MYOCD: variants seen among roughly 807,000 people sequenced by gnomAD.
The protein encoded by MYOCD is myocardin.
A neutral mutation model predicts 96.1 loss-of-function variants in MYOCD; 32 were observed. That is an observed-to-expected ratio of 0.33 (90% confidence interval 0.25 to 0.45). MYOCD has a LOEUF of 0.45. Among genes scored for constraint, MYOCD ranks in the 20% least tolerant of loss-of-function variants. The pLI is 1.00. For missense variants in MYOCD, 1,133 were observed against 1,200.6 expected (o/e 0.94, Z 0.83); for synonymous variants, 469 against 469.0 (o/e 1.00, Z 0.00).
At chr17:12,714,340 C>CAA in intron 2 of MYOCD, among the ~76,000 whole-genome samples, 1 of 151,432 alleles carries the variant, frequency 6.6e-6, no homozygotes, top group South Asian at 2.1e-4. Flanking sequence ...CACACACACA[C>CAA]ACACACACAC....
At chr17:12,706,899 A>G (rs898678310) in intron 2 of MYOCD, among the ~76,000 whole-genome samples, 4 of 152,322 alleles carry the variant, frequency 2.6e-5, no homozygotes, top group African/African-American at 9.6e-5. Context: ...AAAATCCTAC[A>G]AATCATGAAA....
At chr17:12,669,185 TTC>T (rs1172525011) in intron 1 of MYOCD, among the ~76,000 whole-genome samples, 2 of 152,200 alleles carry the variant, frequency 1.3e-5, no homozygotes, top group African/African-American at 4.8e-5. Flanking sequence ...CTATCAACAG[TTC>T]TCCTCCATAT....
chr17:12,760,353 G>C (rs1356671613), intron 12 of MYOCD: 1 of 372,136 alleles, frequency 2.7e-6, no homozygotes, highest in Non-Finnish European at 5.1e-6. Context: ...CTAAAGGATG[G>C]GGTGTGGGAA....
chr17:12,697,931 A>T (rs761527623), intron 1 of MYOCD, among the ~76,000 whole-genome samples: 1 of 152,204 alleles, frequency 6.6e-6, no homozygotes, highest in Non-Finnish European at 1.5e-5. Context: ...GATAAATTAG[A>T]GTTAGAGCCT....
chr17:12,668,873 T>C (rs1294873060), intron 1 of MYOCD, among the ~76,000 whole-genome samples: 4 of 152,138 alleles, frequency 2.6e-5, no homozygotes, highest in East Asian at 3.9e-4. Context: ...TTTTCTATTA[T>C]TAATATTGAT....
At chr17:12,751,417 A>G (rs951416185) in intron 9 of MYOCD, among the ~76,000 whole-genome samples, 1 of 152,142 alleles carries the variant, frequency 6.6e-6, no homozygotes, top group Non-Finnish European at 1.5e-5. Flanking sequence ...ATCAGCTTTA[A>G]TGGATCTGTA....
At chr17:12,752,375 T>C in intron 9 of MYOCD, 39 bp from the exon 10 acceptor site, 1 of 1,513,240 alleles carries the variant, frequency 6.6e-7, no homozygotes, top group South Asian at 1.3e-5. Flanking sequence ...AAAAATATTG[T>C]CGTTAAACAG....
chr17:12,767,677 C>G lies in MYOCD; in HGVS notation c.*4033C>G, dbSNP rs2033377549. On this transcript the variant is annotated 3_prime_UTR_variant, in exon 14 of 14. Transcript: ENST00000425538. ...GTGGGGATCACTTTTTAGCTAAAAG[C>G]TATCTCTCACTTCAAAATTCTTGTC... 1 of 152,080 alleles carries G rather than the reference C, an allele frequency of 6.6e-6. No individual in the cohort carries two copies. The highest frequency in any genetic ancestry group is 1.5e-5 in the Non-Finnish European group (1 of 68,024). 9.4% of individuals were successfully genotyped at this position (152,080 alleles called of 1,614,324 possible).
intron 1 of MYOCD, among the ~76,000 whole-genome samples, chr17:12,669,614 G>GT (rs1909577453): frequency 6.6e-6 from 1 of 151,876 alleles, no homozygotes; most frequent in East Asian, 1.9e-4. Flanking sequence ...CAATCTGAGT[G>GT]TTTTTTGTTG....
At chr17:12,694,415 A>G (rs1436408236) in intron 1 of MYOCD, among the ~76,000 whole-genome samples, 1 of 152,172 alleles carries the variant, frequency 6.6e-6, no homozygotes, top group Non-Finnish European at 1.5e-5. Flanking sequence ...GGATGGGTGC[A>G]TTTGAGCTCA....
intron 5 of MYOCD, among the ~76,000 whole-genome samples, chr17:12,731,235 A>G (rs886809450): frequency 3.9e-5 from 6 of 152,230 alleles, no homozygotes; most frequent in African/African-American, 1.4e-4. Flanking sequence ...TTCCAGAGGC[A>G]GTCAGATAAG....
intron 4 of MYOCD, among the ~76,000 whole-genome samples, chr17:12,720,793 C>A (rs1057416224): frequency 6.6e-6 from 1 of 151,980 alleles, no homozygotes; most frequent in Admixed American, 6.5e-5. Flanking sequence ...GAGGCCGAGG[C>A]GGGCGGATCA....
chr17:12,690,710 C>G (rs566509573), intron 1 of MYOCD, among the ~76,000 whole-genome samples: 15 of 150,352 alleles, frequency 1.0e-4, no homozygotes, highest in African/African-American at 3.5e-4. Flanking sequence ...CTCGGACATA[C>G]TAGACTATAG....
chr17:12,687,742 G>A (rs1432832930), intron 1 of MYOCD, among the ~76,000 whole-genome samples: 2 of 152,094 alleles, frequency 1.3e-5, no homozygotes, highest in Non-Finnish European at 2.9e-5. Context: ...GCAAGTAGGG[G>A]GCACAAATAG....
chr17:12,762,868 G>A (rs2033219533), intron 13 of MYOCD: 2 of 568,212 alleles, frequency 3.5e-6, no homozygotes, highest in African/African-American at 3.8e-5. Context: ...TAATCACAGA[G>A]TGGAATTCCC....
At chr17:12,680,687 A>G (rs1910403040) in intron 1 of MYOCD, among the ~76,000 whole-genome samples, 1 of 152,254 alleles carries the variant, frequency 6.6e-6, no homozygotes, top group South Asian at 2.1e-4. Flanking sequence ...TCAGAGAGGA[A>G]TCTTGGTGCC....
Position 12,766,013 on chromosome 17 carries a change from T to C in MYOCD, c.*2369T>C, listed in dbSNP as rs907720844. The C allele has an allele frequency of 6.6e-6, 1 of 152,232 alleles. No individual in the cohort carries two copies. Among genetic ancestry groups the C allele is most frequent in the South Asian group, 2.1e-4 (1 of 4,834 alleles). 9.4% of individuals were successfully genotyped at this position (152,232 alleles called of 1,614,324 possible). A position where few individuals can be genotyped will look rare whatever the true frequency, so the allele number is the denominator to read the frequency against. On this transcript the variant is annotated 3_prime_UTR_variant, in exon 14 of 14. Coordinates refer to ENST00000425538, the MANE Select transcript of MYOCD (RefSeq NM_001146312.3). Reference sequence around the variant, plus strand: ...GAAGAAAAAATTGCCAGTGTTTCCTTTGAAGATGAAGCTACTGGGGAAGAA... The same window carrying C: ...GAAGAAAAAATTGCCAGTGTTTCCTCTGAAGATGAAGCTACTGGGGAAGAA...
In MYOCD at chr17:12,752,648, T is replaced by G. The variant is rs755814477; in HGVS notation, c.1360T>G (p.Ser454Ala). The G allele has an allele frequency of 6.8e-6, 11 of 1,613,962 alleles. No homozygotes were observed. The highest frequency in any genetic ancestry group is 9.3e-6 in the Non-Finnish European group (11 of 1,179,956). ...CTTCTACCACTTTGGCAGCACCAGC[T>G]CCAGCCCCCCGATCTCCCCAGCCTC... is the stretch of plus-strand genomic sequence containing the variant. The part of the protein sequence containing the change: ...NGFYHFGSTS[S>A]SPPISPASSD... The change falls in exon 10 of 14, where the codon TCC (serine) becomes GCC (alanine). Residue 454 changes from serine (S) to alanine (A), a missense_variant. Physicochemically the swap from Ser to Ala is moderately conservative, Grantham distance 99. Transcript: ENST00000425538.
intron 1 of MYOCD, among the ~76,000 whole-genome samples, chr17:12,696,274 G>A (rs1425792959): frequency 3.9e-5 from 6 of 151,916 alleles, no homozygotes; most frequent in Non-Finnish European, 5.9e-5. Context: ...CACTGTGCCC[G>A]GCCCCATTTT....
Sources: allele counts gnomAD v4.1 joint callset (sites outside exome capture counted in the v4.1 genomes callset), GRCh38; gene constraint gnomAD v4.1.1; transcripts MANE v1.5; gene names NCBI Gene and HGNC (gene_info 2026-07-23, HGNC 2026-07-21).